The following ANTXRL variants were observed in gnomAD, a reference collection of about 807,000 sequenced individuals.
ANTXRL encodes the protein anthrax toxin receptor-like.
Under a neutral mutation model 75.4 loss-of-function variants are expected in ANTXRL, and 63 were observed. That is an observed-to-expected ratio of 0.84 (90% CI 0.68 to 1.03). The LOEUF is 1.03. ANTXRL is among the 50% of genes least tolerant of loss of function. ANTXRL has a pLI of 0.00. For synonymous variants in ANTXRL, 335 were observed against 291.3 expected, an observed-to-expected ratio of 1.15 and a Z score of -1.53; for missense variants, 797 against 789.4, an observed-to-expected ratio of 1.01 and a Z score of -0.12.
chr10:46,308,855 G>A (rs1397725242), intron 12 of ANTXRL, among the ~76,000 whole-genome samples: 1 of 152,132 alleles, frequency 6.6e-6, no homozygotes, highest in Non-Finnish European at 1.5e-5. Flanking sequence ...TGCAGGCGAG[G>A]TGTGCAGTGA....
chr10:46,301,161 C>T (rs1390578300), intron 9 of ANTXRL, among the ~76,000 whole-genome samples: 3 of 152,246 alleles, frequency 2.0e-5, no homozygotes, highest in Non-Finnish European at 4.4e-5. Context: ...GCGCAGGCCA[C>T]AGGCCCAGTT....
At chr10:46,288,955 G>A (rs1836868242) in intron 1 of ANTXRL, among the ~76,000 whole-genome samples, 1 of 152,208 alleles carries the variant, frequency 6.6e-6, no homozygotes. Flanking sequence ...AGGAGGCAAT[G>A]AGCCAGGTCA....
rs1554955463 is a variant in ANTXRL, at chr10:46,287,318, TG to T, written c.57del (p.Leu20PhefsTer68). On this transcript the variant is annotated frameshift_variant, in exon 1 of 17. Coordinates refer to ENST00000620264, the MANE Select transcript of ANTXRL (RefSeq NM_001278688.3). LOFTEE classifies it high-confidence loss of function. ...PYFLVFLLLL[L>X]LPPPLFRAGS... ...TTCCTGGTCTTCCTGCTGCTGCTGC[TG>T]CTTCCTCCACCGCTTTTTAGAGCAG... is the stretch of plus-strand genomic sequence containing the variant. 2 of 1,536,014 alleles carry T rather than the reference TG, an allele frequency of 1.3e-6. No homozygotes were observed. Among genetic ancestry groups the T allele is most frequent in the Non-Finnish European group, 1.7e-6 (2 of 1,146,758 alleles).
At chr10:46,329,283 G>T (rs1473861156) in intron 16 of ANTXRL, among the ~76,000 whole-genome samples, 1 of 152,126 alleles carries the variant, frequency 6.6e-6, no homozygotes, top group Non-Finnish European at 1.5e-5. Flanking sequence ...CCATGCTGGG[G>T]CACAGAGGTA....
chr10:46,328,100 G>C (rs190555279), intron 16 of ANTXRL, among the ~76,000 whole-genome samples: 143 of 152,182 alleles, frequency 9.4e-4, no homozygotes, highest in African/African-American at 3.2e-3. Flanking sequence ...TCCCACAATG[G>C]GCTCAGCTTT....
In ANTXRL at chr10:46,319,931, T is replaced by C. The variant is rs577357331; in HGVS notation, c.1410+6615T>C. On this transcript the variant is annotated intron_variant, in intron 16 of 16. Coordinates refer to ENST00000620264, the MANE Select transcript of ANTXRL (RefSeq NM_001278688.3). ...AGGAGAGATAGGTGTAACATTCACT[T>C]GTGTTCAATACCAAACACAAGCCCT... Among the ~76,000 whole-genome samples the C allele has an allele frequency of 2.6e-5, 4 of 152,268 alleles. No individual in the cohort carries two copies. In the South Asian group the frequency reaches 6.2e-4, roughly 24 times the overall value.
chr10:46,299,885 C>T lies in ANTXRL; in HGVS notation c.796+1823C>T, dbSNP rs376143432. On this transcript the variant is annotated intron_variant, in intron 9 of 16. Coordinates refer to ENST00000620264, the MANE Select transcript of ANTXRL (RefSeq NM_001278688.3). Reference sequence around the variant, plus strand: ...CATGATTGGTCCTGGGCTCTGTCCCCGACCCCGCCTCTCCCCCATGCAGAG... The same window carrying T: ...CATGATTGGTCCTGGGCTCTGTCCCTGACCCCGCCTCTCCCCCATGCAGAG... Among the ~76,000 whole-genome samples, 24 of 152,272 alleles carry T rather than the reference C, an allele frequency of 1.6e-4. No individual in the cohort carries two copies. The East Asian group carries it at 3.5e-3, about 22-fold the overall frequency.
intron 16 of ANTXRL, among the ~76,000 whole-genome samples, chr10:46,318,540 AT>A (rs1339450683): frequency 2.6e-5 from 4 of 152,170 alleles, no homozygotes; most frequent in Admixed American, 6.5e-5. Flanking sequence ...TCATTAAGAA[AT>A]TTTTAATACA....
chr10:46,306,265 T>A (rs1295560936), intron 10 of ANTXRL, among the ~76,000 whole-genome samples: 11 of 152,350 alleles, frequency 7.2e-5, no homozygotes, highest in Admixed American at 6.5e-4. Flanking sequence ...ATAACAAGAA[T>A]TGTGCAATGA....
At chr10:46,320,740 A>C (rs572457570) in intron 16 of ANTXRL, among the ~76,000 whole-genome samples, 1 of 152,252 alleles carries the variant, frequency 6.6e-6, no homozygotes, top group South Asian at 2.1e-4. Flanking sequence ...TCAAAAAAAA[A>C]ATTGTTTGCC....
Position 46,297,819 on chromosome 10 carries a change from T to C in ANTXRL, c.655-12T>C, listed in dbSNP as rs781859509. The C allele has an allele frequency of 1.4e-5, 21 of 1,535,720 alleles. No individual in the cohort carries two copies. The South Asian group carries it at 2.4e-4, about 17-fold the overall frequency. ...CCTGGTGGGGAGTCCAACCCAGCTC[T>C]GCTCTCTGTAGATAACAGCAATTGC... On this transcript the variant is annotated splice_polypyrimidine_tract_variant and intron_variant, in intron 7 of 16. Coordinates refer to ENST00000620264, the MANE Select transcript of ANTXRL (RefSeq NM_001278688.3).
chr10:46,287,377 A>C lies in ANTXRL; in HGVS notation c.115A>C (p.Ile39Leu), dbSNP rs1565008730. The C allele has an allele frequency of 6.5e-7, 1 of 1,535,886 alleles. No homozygotes were observed. The highest frequency in any genetic ancestry group is 1.4e-5 in the African/African-American group (1 of 72,976). The change falls in exon 1 of 17, where the codon ATA becomes CTA. Residue 39 changes from isoleucine to leucine, a missense_variant. By Grantham distance (5) the Ile-to-Leu change is conservative. Transcript: ENST00000620264. Reference protein sequence around the residue: ...SLRYHGPDWRIFHRLALGSRR... With the variant: ...SLRYHGPDWRLFHRLALGSRR... ...TCGGTACCATGGACCTGACTGGAGAATATTTCACCGCCTGGCCCTGGGCTC... is the reference window on the plus strand; with the variant it reads ...TCGGTACCATGGACCTGACTGGAGACTATTTCACCGCCTGGCCCTGGGCTC...
chr10:46,295,283 A>G (rs368317376), intron 3 of ANTXRL, among the ~76,000 whole-genome samples: 3 of 152,300 alleles, frequency 2.0e-5, no homozygotes, highest in African/African-American at 7.2e-5. Flanking sequence ...GTGGCTTAGC[A>G]GGATGACTTT....
At chr10:46,314,569 CA>C (rs1354574335) in intron 16 of ANTXRL, among the ~76,000 whole-genome samples, 1 of 151,702 alleles carries the variant, frequency 6.6e-6, no homozygotes, top group African/African-American at 2.4e-5. Flanking sequence ...TGTGGTGAGA[CA>C]GGGGATGGAG....
chr10:46,296,850 C>T (rs1390291019), intron 5 of ANTXRL, among the ~76,000 whole-genome samples: 6 of 152,142 alleles, frequency 3.9e-5, no homozygotes, highest in Admixed American at 6.5e-5. Context: ...CCCCTGGGAG[C>T]CTCCCTGAGC....
In ANTXRL at chr10:46,302,832, C is replaced by G; in HGVS notation, c.895+12C>G. On this transcript the variant is annotated intron_variant, in intron 10 of 16. Coordinates refer to ENST00000620264, the MANE Select transcript of ANTXRL (RefSeq NM_001278688.3). The stretch of plus-strand genomic sequence containing the variant: ...AAGCACTATCATTGGTAAGTTGTCT[C>G]CTCTGTGCCTCTGAGTCACGTATTT... 6.7e-7 allele frequency: 1 copy of G among 1,503,490 alleles called. No homozygotes were observed. Among genetic ancestry groups the G allele is most frequent in the African/African-American group, 1.4e-5 (1 of 72,372 alleles). The allele number at this position is 1,503,490 out of a possible 1,614,324, so 93.1% of individuals were successfully genotyped here. A position where few individuals can be genotyped will look rare whatever the true frequency, so the allele number is the denominator to read the frequency against.
Position 46,306,810 on chromosome 10 carries a change from G to T in ANTXRL, c.903G>T (p.Lys301Asn). The change falls in exon 11 of 17, where the codon AAG becomes AAT. Residue 301 changes from lysine to asparagine, a missense_variant. Coordinates refer to ENST00000620264, the MANE Select transcript of ANTXRL (RefSeq NM_001278688.3). ...CATGTCATTTTCTTTTAGATGAAAA[G>T]CCAACCAGTATCGACAATAATTCCA... ...IFNESTIIDEKPTSIDNNSMN... is the reference protein window; with the variant it reads ...IFNESTIIDENPTSIDNNSMN... 1.3e-6 allele frequency: 2 copies of T among 1,527,374 alleles called. No homozygotes were observed. Among genetic ancestry groups the T allele is most frequent in the Non-Finnish European group, 1.7e-6 (2 of 1,143,402 alleles). The allele number at this position is 1,527,374 out of a possible 1,614,324, so 94.6% of individuals were successfully genotyped here. A position where few individuals can be genotyped will look rare whatever the true frequency, so the allele number is the denominator to read the frequency against.
In ANTXRL at chr10:46,329,764, G is replaced by A. The variant is rs1839403687; in HGVS notation, c.1576G>A (p.Ala526Thr). The change falls in exon 17 of 17, where the codon GCT (alanine) becomes ACT (threonine). Residue 526 changes from alanine to threonine, a missense_variant. Ala to Thr is a moderately conservative substitution (Grantham distance 58). Around this residue, in one of 3 missense-constraint regions of ANTXRL, gnomAD observed 479 missense variants for 422.0 expected, o/e 1.14. Transcript: ENST00000620264. ...HSRECLALKQ[A>T]RCSPNICLRH... ...CCGGGAGTGCCTCGCCCTCAAACAG[G>A]CTCGCTGCAGCCCAAACATCTGCCT... 6.5e-7 allele frequency: 1 copy of A among 1,532,256 alleles called. No individual in the cohort carries two copies. The highest frequency in any genetic ancestry group is 1.2e-5 in the South Asian group (1 of 83,898). The allele number at this position is 1,532,256 out of a possible 1,614,324, so 94.9% of individuals were successfully genotyped here.
At chr10:46,310,588 T>G in intron 14 of ANTXRL, 89 bp downstream of exon 14, 1 of 1,346,542 alleles carries the variant, frequency 7.4e-7, no homozygotes, top group South Asian at 1.3e-5. Context: ...CGCCCCATGA[T>G]CTCCATCTGC....
Sources: allele counts gnomAD v4.1 joint callset (sites outside exome capture counted in the v4.1 genomes callset), GRCh38; gene constraint gnomAD v4.1.1; regional missense constraint gnomAD v4.1.1; transcripts MANE v1.5; gene names NCBI Gene and HGNC (gene_info 2026-07-23, HGNC 2026-07-21).